DPP10: variants seen among roughly 807,000 people sequenced by gnomAD.
The protein encoded by DPP10 is inactive dipeptidyl peptidase 10.
In DPP10, 33 loss-of-function variants were observed where a neutral mutation model predicts 120.9. That is an observed-to-expected ratio of 0.27 (90% confidence interval 0.21 to 0.37). The LOEUF (loss-of-function observed/expected upper bound fraction) is 0.37. DPP10 is among the 10% of genes least tolerant of loss of function. The probability of loss-of-function intolerance (pLI) is 1.00; values close to 1 mark genes in which losing one functional copy is unlikely to be tolerated. For synonymous variants in DPP10, 337 were observed against 326.1 expected, an observed-to-expected ratio of 1.03 and a Z score of -0.36; for missense variants, 816 against 942.8, an observed-to-expected ratio of 0.87 and a Z score of 1.76.
At chr2:114,612,928 C>T (rs979846559) in intron 1 of DPP10, among the ~76,000 whole-genome samples, 1 of 152,048 alleles carries the variant, frequency 6.6e-6, no homozygotes, top group South Asian at 2.1e-4. Flanking sequence ...ACAAAAGAAT[C>T]ACATTAAAAG....
intron 19 of DPP10, among the ~76,000 whole-genome samples, chr2:115,812,784 GTTTC>G (rs1368662985): frequency 2.0e-5 from 3 of 151,970 alleles, no homozygotes; most frequent in Non-Finnish European, 4.4e-5. Flanking sequence ...TATTTACGGT[GTTTC>G]TTTATTTATA....
At chr2:115,638,901 G>A (rs909420025) in intron 5 of DPP10, among the ~76,000 whole-genome samples, 3 of 152,192 alleles carry the variant, frequency 2.0e-5, no homozygotes. Context: ...GATGATCAGA[G>A]AAAGAATCAC....
intron 5 of DPP10, among the ~76,000 whole-genome samples, chr2:115,636,069 T>G (rs890297615): frequency 6.6e-6 from 1 of 151,792 alleles, no homozygotes; most frequent in Non-Finnish European, 1.5e-5. Context: ...TTGTTTCTTC[T>G]GATGACATGC....
intron 10 of DPP10, among the ~76,000 whole-genome samples, chr2:115,749,262 C>A (rs1678403998): frequency 6.6e-6 from 1 of 152,140 alleles, no homozygotes. Context: ...AGATTTTCCA[C>A]AGATTGGATA....
chr2:115,183,951 A>C (rs2054254420), intron 1 of DPP10, among the ~76,000 whole-genome samples: 1 of 152,186 alleles, frequency 6.6e-6, no homozygotes, highest in Non-Finnish European at 1.5e-5. Flanking sequence ...CTAGTTGCAG[A>C]GCTCCTGGGG....
chr2:114,619,792 G>T (rs1693957789), intron 1 of DPP10, among the ~76,000 whole-genome samples: 1 of 151,738 alleles, frequency 6.6e-6, no homozygotes. Flanking sequence ...TCTTCTGCAG[G>T]GGGCTCAGAT....
At chr2:115,006,821 T>A (rs1701882991) in intron 1 of DPP10, among the ~76,000 whole-genome samples, 1 of 151,436 alleles carries the variant, frequency 6.6e-6, no homozygotes, top group Admixed American at 6.6e-5. Context: ...AGACAGAAAG[T>A]CAACAAGGAT....
At chr2:114,494,108 A>AAAAAC (rs1682258559) in intron 1 of DPP10, among the ~76,000 whole-genome samples, 1 of 144,230 alleles carries the variant, frequency 6.9e-6, no homozygotes. Flanking sequence ...AGGCAAAAAA[A>AAAAAC]AAAAAAAAAA....
intron 1 of DPP10, among the ~76,000 whole-genome samples, chr2:115,265,442 A>G (rs550153339): frequency 6.6e-6 from 1 of 152,220 alleles, no homozygotes; most frequent in South Asian, 2.1e-4. Context: ...TGGTATTCAA[A>G]TGATTTTACA....
intron 3 of DPP10, among the ~76,000 whole-genome samples, chr2:115,454,311 T>C (rs1312258056): frequency 6.6e-6 from 1 of 151,656 alleles, no homozygotes. Flanking sequence ...ATATTTTTCA[T>C]AAATGTAGAG....
intron 1 of DPP10, among the ~76,000 whole-genome samples, chr2:114,599,897 T>C (rs1044292734): frequency 6.6e-6 from 1 of 151,724 alleles, no homozygotes; most frequent in Non-Finnish European, 1.5e-5. Context: ...TATTAACATG[T>C]TTCAGTGTAA....
intron 1 of DPP10, among the ~76,000 whole-genome samples, chr2:114,654,171 C>T (rs1696807399): frequency 6.6e-6 from 1 of 152,178 alleles, no homozygotes; most frequent in African/African-American, 2.4e-5. Flanking sequence ...CACTTCTGTA[C>T]ATACGAGTAA....
chr2:115,821,673 AT>A (rs545428901), intron 21 of DPP10, among the ~76,000 whole-genome samples: 2,128 of 151,494 alleles, frequency 0.014, 54 homozygotes, highest in African/African-American at 0.048. Context: ...TGAATTGATT[AT>A]TTTTTTCTCT....
chr2:114,832,311 A>C (rs1325859264), intron 1 of DPP10, among the ~76,000 whole-genome samples: 1 of 152,196 alleles, frequency 6.6e-6, no homozygotes, highest in Non-Finnish European at 1.5e-5. Flanking sequence ...AGGCAGGTGG[A>C]TCAGGAGGTC....
intron 10 of DPP10, among the ~76,000 whole-genome samples, chr2:115,748,202 AT>A (rs1482440093): frequency 1.4e-5 from 2 of 145,944 alleles, no homozygotes; most frequent in Non-Finnish European, 3.0e-5. Flanking sequence ...TAAATAATTC[AT>A]TTTATAATAA....
chr2:115,753,001 A>G lies in DPP10; in HGVS notation c.951-173A>G, dbSNP rs566146247. Among the ~76,000 whole-genome samples the G allele has an allele frequency of 7.9e-5, 12 of 152,272 alleles. No individual in the cohort carries two copies. In the East Asian group the frequency reaches 2.1e-3, roughly 27 times the overall value. ...CATATATTTGTATTTATATATGTAA[A>G]TATTGAAAAGAGCAGATATCTATTT... is the stretch of plus-strand genomic sequence containing the variant. On this transcript the variant is annotated intron_variant, in intron 10 of 25. Transcript: ENST00000410059.
intron 1 of DPP10, among the ~76,000 whole-genome samples, chr2:114,517,699 ATTAT>A (rs1684715552): frequency 6.6e-6 from 1 of 152,208 alleles, no homozygotes; most frequent in Non-Finnish European, 1.5e-5. Context: ...TAATCTGCAA[ATTAT>A]TTGATCAGCT....
Position 115,048,907 on chromosome 2 carries a change from T to G in DPP10, c.61-260332T>G, listed in dbSNP as rs112655155. On this transcript the variant is annotated intron_variant, in intron 1 of 25. Coordinates refer to ENST00000410059, the MANE Select transcript of DPP10 (RefSeq NM_020868.6). ...TTATGTTTCTCCCTATTTTAACAGT[T>G]GTCATTTACTGATGTTATAAGTATT... Among the ~76,000 whole-genome samples, 156 of 152,252 alleles carry G rather than the reference T, an allele frequency of 1.0e-3. 2 individuals are homozygous for G. The highest frequency in any genetic ancestry group is 3.6e-3 in the African/African-American group (150 of 41,570).
At chr2:115,106,074 T>G (rs1002082917) in intron 1 of DPP10, among the ~76,000 whole-genome samples, 9 of 152,224 alleles carry the variant, frequency 5.9e-5, no homozygotes, top group African/African-American at 2.2e-4. Context: ...ACATAGAATT[T>G]CCATCACCTA....
Sources: gnomAD v4.1 joint callset for allele counts (sites outside exome capture counted in the v4.1 genomes callset) on GRCh38, gnomAD v4.1.1 for gene constraint, MANE v1.5 for transcripts, NCBI Gene and HGNC (gene_info 2026-07-23, HGNC 2026-07-21) for gene names.